Variants in WDR4 observed in about 807,000 individuals in gnomAD.
The protein encoded by WDR4 is tRNA (guanine-N(7)-)-methyltransferase non-catalytic subunit WDR4.
WDR4 carries 47 observed loss-of-function variants against 48.6 expected under a neutral mutation model. The ratio of observed to expected loss-of-function variants is 0.97; its 90% CI spans 0.77 to 1.23. WDR4 has a LOEUF of 1.23. Among genes scored for constraint, WDR4 ranks in the 50% most tolerant of loss-of-function variants. WDR4 has a pLI of 0.00. For synonymous variants in WDR4, 268 were observed against 230.0 expected, an observed-to-expected ratio of 1.17 and a Z score of -1.49; for missense variants, 606 against 551.6, an observed-to-expected ratio of 1.10 and a Z score of -0.99.
chr21:42,884,786 TG>T, the WDR4 span, among the ~76,000 whole-genome samples: 18 of 152,158 alleles, frequency 1.2e-4, no homozygotes, highest in Non-Finnish European at 2.2e-4. Flanking sequence ...CTTTTTTGTT[TG>T]TTTTTTTCCG....
At chr21:42,888,111 A>G in the WDR4 span, among the ~76,000 whole-genome samples, 3 of 152,194 alleles carry the variant, frequency 2.0e-5, no homozygotes, top group African/African-American at 7.2e-5. Context: ...TTGACAAATT[A>G]TTTCATTCCT....
the WDR4 span, chr21:42,886,695 G>T: frequency 6.6e-6 from 1 of 152,258 alleles, no homozygotes; most frequent in Admixed American, 6.5e-5. Flanking sequence ...ATTGCCCGCC[G>T]AGCTTTACAT....
At chr21:42,871,095 G>C (rs1018891438) in intron 3 of WDR4, among the ~76,000 whole-genome samples, 2 of 152,128 alleles carry the variant, frequency 1.3e-5, no homozygotes, top group South Asian at 2.1e-4. Context: ...TCAGGAACAG[G>C]AAATGAGGAC....
At chr21:42,854,354 G>A (rs1377729740) in intron 8 of WDR4, among the ~76,000 whole-genome samples, 1 of 152,340 alleles carries the variant, frequency 6.6e-6, no homozygotes, top group Middle Eastern at 3.4e-3. Flanking sequence ...GGAGTTCAAC[G>A]TCAGGTTGAA....
intron 3 of WDR4, among the ~76,000 whole-genome samples, chr21:42,868,070 C>T (rs528617874): frequency 5.3e-5 from 8 of 152,190 alleles, no homozygotes; most frequent in Non-Finnish European, 1.0e-4. Context: ...ATGACCTCCT[C>T]CAAGAAGCCA....
At chr21:42,848,989 C>T, downstream of WDR4, among the ~76,000 whole-genome samples, 1 of 142,254 alleles carries the variant, frequency 7.0e-6, no homozygotes, top group African/African-American at 2.6e-5. Context: ...GATCACGCAG[C>T]GTGCACCTCA....
rs2058144259 is a variant in WDR4, at chr21:42,862,587, G to A, written c.454-193C>T. Among the ~76,000 whole-genome samples the A allele has an allele frequency of 1.3e-5, 2 of 152,148 alleles. 1 individual carries two copies. Among genetic ancestry groups the A allele is most frequent in the South Asian group, 4.1e-4 (2 of 4,830 alleles). The stretch of plus-strand genomic sequence containing the variant: ...GTGGCCCTCATTCTCCCTCCCCAGA[G>A]GGTCCCTGGCCACCTCTAGCCCTCA... On this transcript the variant is annotated intron_variant, in intron 4 of 10. Transcript: ENST00000398208. The surrounding 1 kb of genome is among the most constrained non-coding windows in gnomAD (Gnocchi z 4.3).
At chr21:42,872,424 A>ATG (rs1388501044) in intron 3 of WDR4, among the ~76,000 whole-genome samples, 2 of 151,828 alleles carry the variant, frequency 1.3e-5, no homozygotes, top group Non-Finnish European at 2.9e-5. Context: ...AGCCTGGCCA[A>ATG]TGTGGTGAAA....
At position 42,879,523 on chromosome 21, in the gene WDR4, A is replaced by G. The variant is rs777748370; in HGVS notation, c.-28T>C. 11 of 1,610,976 alleles carry G rather than the reference A, an allele frequency of 6.8e-6. No homozygotes were observed. In the Admixed American group the frequency reaches 1.2e-4, roughly 17 times the overall value. On this transcript the variant is annotated 5_prime_UTR_variant, in exon 1 of 11. It removes an upstream start codon present in the reference 5' UTR. Transcript: ENST00000398208. Reference sequence around the variant, plus strand: ...ACCCGCCCGCCTCACCGCCATACACATGTGCCAGCCCAGAGCCTCTTCCTG... The same window carrying G: ...ACCCGCCCGCCTCACCGCCATACACGTGTGCCAGCCCAGAGCCTCTTCCTG...
At position 42,849,259 on chromosome 21, in the gene WDR4, C is replaced by T. The variant is rs1458312560; in HGVS notation, c.*790G>A. On this transcript the variant is annotated 3_prime_UTR_variant, in exon 11 of 11. Coordinates refer to ENST00000398208, the MANE Select transcript of WDR4 (RefSeq NM_018669.6). ...CCTGGTATATTCGGTTGCTGCTAAA[C>T]ATTCCTAGGAAGTTGAGAAGGTTCA... 1.3e-5 allele frequency: 2 copies of T among 152,490 alleles called. No homozygotes were observed. The highest frequency in any genetic ancestry group is 2.9e-5 in the Non-Finnish European group (2 of 68,214). The allele number at this position is 152,490 out of a possible 1,614,324, so 9.4% of individuals were successfully genotyped here.
chr21:42,867,236 T>C (rs2058265742), intron 3 of WDR4, among the ~76,000 whole-genome samples: 1 of 151,706 alleles, frequency 6.6e-6, no homozygotes, highest in Non-Finnish European at 1.5e-5. Context: ...ACTAAAAATA[T>C]AAAAATTAGT....
At chr21:42,875,916 CTTTTTTT>C (rs71194083) in intron 2 of WDR4, among the ~76,000 whole-genome samples, 4 of 104,904 alleles carry the variant, frequency 3.8e-5, no homozygotes, top group South Asian at 3.1e-4. Context: ...TAACACTGTG[CTTTTTTT>C]TTTTTTTTTT....
intron 3 of WDR4, among the ~76,000 whole-genome samples, chr21:42,865,928 G>A (rs544580294): frequency 4.1e-4 from 62 of 151,992 alleles, no homozygotes; most frequent in African/African-American, 4.6e-4. Flanking sequence ...CCAGAGAGCC[G>A]CCTGGGCAGC....
intron 6 of WDR4, among the ~76,000 whole-genome samples, chr21:42,857,109 T>G (rs756861981): frequency 1.3e-4 from 19 of 151,946 alleles, no homozygotes; most frequent in Admixed American, 5.2e-4. Flanking sequence ...CTGTCAAATG[T>G]CTTTACAAAG....
At chr21:42,847,115 A>G (rs927725018), downstream of WDR4, among the ~76,000 whole-genome samples, 8 of 152,224 alleles carry the variant, frequency 5.3e-5, no homozygotes, top group African/African-American at 1.7e-4. Context: ...GAATGTCCTA[A>G]AAGTAAAATA....
Position 42,873,799 on chromosome 21 carries a change from A to G in WDR4, c.156-108T>C, listed in dbSNP as rs577844463. The stretch of plus-strand genomic sequence containing the variant: ...AACATGGGAGGAGGTAGAAACTGTT[A>G]AGGGGATCACGTAGCCAAAATACAG... On this transcript the variant is annotated intron_variant, in intron 2 of 10. Transcript: ENST00000398208. 168 of 1,369,136 alleles carry G rather than the reference A, an allele frequency of 1.2e-4. No homozygotes were observed. The African/African-American group carries it at 2.2e-3, about 18-fold the overall frequency. 84.8% of individuals were successfully genotyped at this position (1,369,136 alleles called of 1,614,324 possible). A position where few individuals can be genotyped will look rare whatever the true frequency, so the allele number is the denominator to read the frequency against.
upstream of WDR4, among the ~76,000 whole-genome samples, chr21:42,880,364 G>T (rs934530762): frequency 1.3e-5 from 2 of 152,078 alleles, no homozygotes; most frequent in Non-Finnish European, 2.9e-5. Flanking sequence ...CAAAATCTAG[G>T]ATCTCACGGT....
chr21:42,862,320 C>A lies in WDR4; in HGVS notation c.528G>T (p.Ala176=), dbSNP rs376665509. The A allele has an allele frequency of 6.2e-7, 1 of 1,611,426 alleles. No individual in the cohort carries two copies. Among genetic ancestry groups the A allele is most frequent in the East Asian group, 2.2e-5 (1 of 44,816 alleles). The change falls in exon 5 of 11, where the codon GCG becomes GCT. Residue 176 remains alanine (A), a synonymous_variant. Transcript: ENST00000398208. The surrounding 1 kb of genome is among the most constrained non-coding windows in gnomAD (Gnocchi z 4.3). Reference sequence around the variant, plus strand: ...AGCAGAAGGACTCGATGCTATGGGGCGCCGCGGCCCAGCTGACTCGGATCT... The same window carrying A: ...AGCAGAAGGACTCGATGCTATGGGGAGCCGCGGCCCAGCTGACTCGGATCT... ...DEKIRVSWAA[A]PHSIESFCLG...
At chr21:42,845,745 G>A (rs2057705639), downstream of WDR4, among the ~76,000 whole-genome samples, 1 of 152,224 alleles carries the variant, frequency 6.6e-6, no homozygotes, top group South Asian at 2.1e-4. Flanking sequence ...TGGGATGAAG[G>A]ACTGGCAGGA....
Sources: gnomAD v4.1 joint callset for allele counts (sites outside exome capture counted in the v4.1 genomes callset) on GRCh38, gnomAD v4.1.1 for gene constraint, Gnocchi (gnomAD v3.1) non-coding constraint, MANE v1.5 for transcripts, NCBI Gene and HGNC (gene_info 2026-07-23, HGNC 2026-07-21) for gene names.